Variants in AGR3 observed in about 807,000 individuals in gnomAD.
AGR3 encodes anterior gradient protein 3.
Under a neutral mutation model 24.5 loss-of-function variants are expected in AGR3, and 37 were observed. The observed-to-expected ratio is 1.51, with a 90% CI of 1.16 to 1.99. AGR3 has a LOEUF of 1.99. Among genes scored for constraint, AGR3 ranks in the 30% most tolerant of loss-of-function variants. The pLI is 0.00. For synonymous variants in AGR3, 75 were observed against 61.6 expected, an observed-to-expected ratio of 1.22 and a Z score of -1.02; for missense variants, 228 against 191.1, an observed-to-expected ratio of 1.19 and a Z score of -1.14.
intron 3 of AGR3, chr7:16,865,904 A>G (rs1781750249): frequency 2.8e-6 from 2 of 713,766 alleles, no homozygotes; most frequent in Non-Finnish European, 5.2e-6. Context: ...AGGACCTGTT[A>G]TTAATAAAAT....
At chr7:16,880,563 TCCTTTCCCCTCCTCTCCCCTCCTTTCCC>T in intron 1 of AGR3, among the ~76,000 whole-genome samples, 8 of 105,986 alleles carry the variant, frequency 7.5e-5, no homozygotes, top group African/African-American at 3.0e-4. Context: ...TCCTTTCCCC[TCCTTTCCCCTCCTCTCCCCTCCTTTCCC>T]CTCCTTTCCT....
intron 3 of AGR3, among the ~76,000 whole-genome samples, chr7:16,872,613 A>G (rs1292246954): frequency 6.6e-6 from 1 of 152,204 alleles, no homozygotes; most frequent in African/African-American, 2.4e-5. Flanking sequence ...AAATGGGACT[A>G]TGTCACCTGA....
At chr7:16,856,876 C>T (rs1352262105), downstream of AGR3, among the ~76,000 whole-genome samples, 1 of 151,844 alleles carries the variant, frequency 6.6e-6, no homozygotes, top group Admixed American at 6.6e-5. Flanking sequence ...AAGCATAGTC[C>T]TACATTTCCA....
intron 7 of AGR3, 77 bp downstream of exon 7, chr7:16,860,423 G>A: frequency 9.4e-7 from 1 of 1,060,578 alleles, no homozygotes; most frequent in East Asian, 2.4e-5. Flanking sequence ...AAGCACTGAT[G>A]TAGGGCTTCA....
chr7:16,873,886 A>G (rs770905096), intron 2 of AGR3, 43 bp from the exon 3 acceptor site: 1 of 1,433,296 alleles, frequency 7.0e-7, no homozygotes, highest in Non-Finnish European at 9.8e-7. Context: ...CCAGAACTAG[A>G]GAAGAGCTCG....
downstream of AGR3, among the ~76,000 whole-genome samples, chr7:16,858,997 T>G (rs1781589368): frequency 6.6e-6 from 1 of 152,184 alleles, no homozygotes. Context: ...AAAGTTAAAG[T>G]CACAAGTGGA....
intron 3 of AGR3, among the ~76,000 whole-genome samples, chr7:16,872,146 C>A (rs1480704587): frequency 6.6e-6 from 1 of 151,990 alleles, no homozygotes; most frequent in Non-Finnish European, 1.5e-5. Context: ...CCAAATAGTT[C>A]AAAGCAATAC....
intron 2 of AGR3, among the ~76,000 whole-genome samples, chr7:16,876,858 C>A (rs1306581709): frequency 1.3e-5 from 2 of 152,094 alleles, no homozygotes; most frequent in African/African-American, 2.4e-5. Flanking sequence ...AATGTTGATG[C>A]CTTGACGTAT....
intron 3 of AGR3, chr7:16,873,560 A>T (rs1781925353): frequency 2.0e-6 from 1 of 511,386 alleles, no homozygotes. Flanking sequence ...AGTTAACAAT[A>T]GTTTATTGTA....
chr7:16,856,527 A>G (rs1781557046), downstream of AGR3, among the ~76,000 whole-genome samples: 2 of 152,228 alleles, frequency 1.3e-5, no homozygotes, highest in South Asian at 4.1e-4. Flanking sequence ...TTTATCCCTT[A>G]TTTAAATTTA....
At chr7:16,877,299 A>G (rs1385681540) in intron 2 of AGR3, among the ~76,000 whole-genome samples, 5 of 64,656 alleles carry the variant, frequency 7.7e-5, no homozygotes, top group Non-Finnish European at 2.2e-4. Flanking sequence ...TATATAATAT[A>G]TAGTATATAT....
At chr7:16,863,447 A>T (rs1446126047) in intron 3 of AGR3, among the ~76,000 whole-genome samples, 1 of 152,120 alleles carries the variant, frequency 6.6e-6, no homozygotes, top group East Asian at 1.9e-4. Context: ...TTGGGGGGTC[A>T]TTTTGATTTT....
intron 2 of AGR3, among the ~76,000 whole-genome samples, chr7:16,877,472 A>G (rs560367789): frequency 1.3e-4 from 20 of 151,824 alleles, no homozygotes; most frequent in African/African-American, 4.3e-4. Context: ...CAAATGGTCA[A>G]GTACTTTGTG....
At chr7:16,856,858 C>G (rs933701529), downstream of AGR3, among the ~76,000 whole-genome samples, 1 of 151,844 alleles carries the variant, frequency 6.6e-6, no homozygotes, top group African/African-American at 2.4e-5. Context: ...CACACACACA[C>G]ATTCACTAAG....
At chr7:16,856,113 G>C (rs977296752), downstream of AGR3, among the ~76,000 whole-genome samples, 6 of 152,188 alleles carry the variant, frequency 3.9e-5, no homozygotes, top group African/African-American at 1.4e-4. Flanking sequence ...TATTTAGTAA[G>C]GAGTTATTTC....
intron 3 of AGR3, among the ~76,000 whole-genome samples, chr7:16,869,253 A>G (rs1562548524): frequency 6.6e-6 from 1 of 152,176 alleles, no homozygotes; most frequent in Non-Finnish European, 1.5e-5. Context: ...TATAATTGTT[A>G]TACCTTCTTG....
chr7:16,871,919 G>T (rs573836872), intron 3 of AGR3, among the ~76,000 whole-genome samples: 6 of 152,096 alleles, frequency 3.9e-5, no homozygotes, highest in African/African-American at 1.2e-4. Flanking sequence ...ATCCCTACAA[G>T]AAAAACTATA....
intron 3 of AGR3, among the ~76,000 whole-genome samples, chr7:16,871,939 T>C (rs1781874075): frequency 6.6e-6 from 1 of 151,996 alleles, no homozygotes; most frequent in Non-Finnish European, 1.5e-5. Context: ...AAAACATTGA[T>C]GAAAGAAATT....
At chr7:16,874,843 A>C (rs1252257797) in intron 2 of AGR3, among the ~76,000 whole-genome samples, 1 of 152,150 alleles carries the variant, frequency 6.6e-6, no homozygotes, top group East Asian at 1.9e-4. Flanking sequence ...TTGGCCAGGC[A>C]TGGTGGCTCA....
Sources: allele counts gnomAD v4.1 joint callset (sites outside exome capture counted in the v4.1 genomes callset), GRCh38; gene constraint gnomAD v4.1.1; transcripts MANE v1.5; gene names NCBI Gene and HGNC (gene_info 2026-07-23, HGNC 2026-07-21).